Variants in ATRNL1 observed in about 807,000 individuals in gnomAD.
The protein encoded by ATRNL1 is attractin-like protein 1.
ATRNL1 carries 95 observed loss-of-function variants against 182.7 expected under a neutral mutation model. That is an observed-to-expected ratio of 0.52 (90% CI 0.44 to 0.62). The LOEUF is 0.62. ATRNL1 is among the 20% of genes least tolerant of loss of function. ATRNL1 has a pLI of 0.00. For missense variants in ATRNL1, 1,471 were observed against 1,679.5 expected (o/e 0.88, Z 2.17); for synonymous variants, 576 against 568.3 (o/e 1.01, Z -0.19).
intron 10 of ATRNL1, among the ~76,000 whole-genome samples, chr10:115,244,153 G>A (rs1175903999): frequency 6.6e-6 from 1 of 152,070 alleles, no homozygotes; most frequent in East Asian, 1.9e-4. Context: ...GGTACACCAG[G>A]ACATTTTTGG....
At chr10:115,212,671 A>C (rs914774121) in intron 8 of ATRNL1, among the ~76,000 whole-genome samples, 1 of 152,142 alleles carries the variant, frequency 6.6e-6, no homozygotes, top group South Asian at 2.1e-4. Context: ...GCAGCCACGA[A>C]AAAGAAAGAG....
At chr10:115,710,757 G>C (rs1270699669) in intron 26 of ATRNL1, among the ~76,000 whole-genome samples, 3 of 152,118 alleles carry the variant, frequency 2.0e-5, no homozygotes, top group Non-Finnish European at 2.9e-5. Flanking sequence ...ATGTTTACAG[G>C]AAAGCTATTT....
intron 26 of ATRNL1, among the ~76,000 whole-genome samples, chr10:115,614,682 T>C (rs535825319): frequency 4.6e-5 from 7 of 152,216 alleles, no homozygotes; most frequent in Non-Finnish European, 8.8e-5. Context: ...AATATTTGCT[T>C]TATACATCTG....
intron 27 of ATRNL1, among the ~76,000 whole-genome samples, chr10:115,770,449 T>A (rs1948962328): frequency 1.3e-5 from 2 of 152,274 alleles, no homozygotes; most frequent in South Asian, 4.1e-4. Context: ...AAAAGAATAG[T>A]TTTAACCAAT....
At chr10:115,845,653 C>A (rs1950911032) in intron 27 of ATRNL1, among the ~76,000 whole-genome samples, 1 of 151,252 alleles carries the variant, frequency 6.6e-6, no homozygotes, top group Non-Finnish European at 1.5e-5. Context: ...TGTTTCTCAA[C>A]TTTTTTGTAT....
intron 27 of ATRNL1, among the ~76,000 whole-genome samples, chr10:115,778,121 A>G (rs1396338290): frequency 6.6e-6 from 1 of 152,226 alleles, no homozygotes; most frequent in Non-Finnish European, 1.5e-5. Flanking sequence ...TAGAAATTGT[A>G]GCTGAATATT....
At chr10:115,168,847 G>A (rs1485569864) in intron 7 of ATRNL1, among the ~76,000 whole-genome samples, 1 of 150,900 alleles carries the variant, frequency 6.6e-6, no homozygotes, top group East Asian at 2.0e-4. Flanking sequence ...TCCTTTTATT[G>A]CTTGTGATTT....
At chr10:115,868,086 C>G (rs1164762534) in intron 28 of ATRNL1, among the ~76,000 whole-genome samples, 1 of 152,096 alleles carries the variant, frequency 6.6e-6, no homozygotes, top group Non-Finnish European at 1.5e-5. Flanking sequence ...TTTATACAAA[C>G]ATAGAGCTTA....
intron 26 of ATRNL1, among the ~76,000 whole-genome samples, chr10:115,590,153 G>C (rs1348685852): frequency 6.6e-6 from 1 of 152,150 alleles, no homozygotes; most frequent in Non-Finnish European, 1.5e-5. Flanking sequence ...ATCATATACT[G>C]CCATAGGCCA....
intron 24 of ATRNL1, among the ~76,000 whole-genome samples, chr10:115,499,125 A>T (rs1335667607): frequency 1.3e-5 from 2 of 152,158 alleles, no homozygotes; most frequent in Non-Finnish European, 2.9e-5. Context: ...ATAATTAAAT[A>T]CAGGTATCAT....
At chr10:115,772,037 C>T (rs1949006337) in intron 27 of ATRNL1, among the ~76,000 whole-genome samples, 1 of 152,148 alleles carries the variant, frequency 6.6e-6, no homozygotes, top group Non-Finnish European at 1.5e-5. Flanking sequence ...TACTTTAAGT[C>T]AGGATAGACA....
intron 27 of ATRNL1, among the ~76,000 whole-genome samples, chr10:115,840,624 T>C (rs1950784565): frequency 6.6e-6 from 1 of 152,030 alleles, no homozygotes; most frequent in Admixed American, 6.6e-5. Context: ...ACCCAGGCAG[T>C]TGGGTGCTAA....
chr10:115,301,942 GTA>G lies in ATRNL1; in HGVS notation c.2719_2720del (p.Met907ValfsTer10). On this transcript the variant is annotated frameshift_variant, in exon 17 of 29. Coordinates refer to ENST00000355044, the MANE Select transcript of ATRNL1 (RefSeq NM_207303.4). LOFTEE classifies it high-confidence loss of function. ...AACTGTACAAGCAATGGCATGGAGT[GTA>G]TGTGGTGCAGCAGTACGAAACGATG... 1 of 1,614,104 alleles carries G rather than the reference GTA, an allele frequency of 6.2e-7. No homozygotes were observed. The highest frequency in any genetic ancestry group is 8.5e-7 in the Non-Finnish European group (1 of 1,179,950).
chr10:115,215,940 T>A, intron 9 of ATRNL1, 60 bp downstream of exon 9: 2 of 1,297,178 alleles, frequency 1.5e-6, no homozygotes, highest in Non-Finnish European at 2.1e-6. Context: ...TGATTGACTT[T>A]AAAATGGTTT....
At chr10:115,781,769 A>C (rs997860995) in intron 27 of ATRNL1, among the ~76,000 whole-genome samples, 2 of 152,194 alleles carry the variant, frequency 1.3e-5, no homozygotes, top group Non-Finnish European at 2.9e-5. Context: ...CCTTCATAAA[A>C]ATTCACAAAG....
rs533337285 is a variant in ATRNL1 at position 115,295,237 on chromosome 10, A to G, written c.2416-4797A>G. Reference sequence around the variant, plus strand: ...TGGCTGTCCTGGGGGCTTGCTTGCCAGGAACAACCCACAGGGCTATTTCTT... The same window carrying G: ...TGGCTGTCCTGGGGGCTTGCTTGCCGGGAACAACCCACAGGGCTATTTCTT... On this transcript the variant is annotated intron_variant, in intron 15 of 28. Coordinates refer to ENST00000355044, the MANE Select transcript of ATRNL1 (RefSeq NM_207303.4). Among the ~76,000 whole-genome samples, 3 of 152,240 alleles carry G rather than the reference A, an allele frequency of 2.0e-5. No homozygotes were observed. In the South Asian group the frequency reaches 6.2e-4, roughly 32 times the overall value.
intron 28 of ATRNL1, among the ~76,000 whole-genome samples, chr10:115,857,355 T>C (rs966866426): frequency 1.3e-5 from 2 of 152,214 alleles, no homozygotes; most frequent in African/African-American, 4.8e-5. Flanking sequence ...AACTGTGTTA[T>C]CACTTTTCTT....
chr10:115,934,978 C>T (rs1953513647), intron 28 of ATRNL1, among the ~76,000 whole-genome samples: 1 of 152,226 alleles, frequency 6.6e-6, no homozygotes, highest in Admixed American at 6.5e-5. Flanking sequence ...ACACCACACC[C>T]CTCCTGCCAG....
chr10:115,155,253 C>G (rs1198794089), intron 5 of ATRNL1, among the ~76,000 whole-genome samples: 3 of 151,000 alleles, frequency 2.0e-5, no homozygotes, highest in Non-Finnish European at 4.4e-5. Flanking sequence ...TTTAAAAAAT[C>G]CATTCAGTCA....
Sources: gnomAD v4.1 joint callset for allele counts (sites outside exome capture counted in the v4.1 genomes callset) on GRCh38, gnomAD v4.1.1 for gene constraint, MANE v1.5 for transcripts, NCBI Gene and HGNC (gene_info 2026-07-23, HGNC 2026-07-21) for gene names.